The following MICU3 variants were observed in gnomAD, a reference collection of about 807,000 sequenced individuals.
MICU3 encodes calcium uptake protein 3, mitochondrial.
A neutral mutation model predicts 66.5 loss-of-function variants in MICU3; 62 were observed. The observed-to-expected ratio is 0.93, with a 90% CI of 0.76 to 1.15. The LOEUF is 1.15. MICU3 is among the 50% of genes most tolerant of loss of function. The pLI, the probability that MICU3 is intolerant of heterozygous loss-of-function variation, is 0.00. For missense variants in MICU3, 779 were observed against 664.4 expected (o/e 1.17, Z -1.90); for synonymous variants, 308 against 240.7 (o/e 1.28, Z -2.59).
intron 1 of MICU3, among the ~76,000 whole-genome samples, chr8:17,061,789 A>G (rs184618839): frequency 3.3e-5 from 5 of 152,218 alleles, no homozygotes; most frequent in African/African-American, 1.2e-4. Context: ...TGAGATATGT[A>G]TATACAAGGG....
chr8:17,104,663 T>G (rs962924011), intron 10 of MICU3, among the ~76,000 whole-genome samples, 172 bp downstream of exon 10: 1 of 152,020 alleles, frequency 6.6e-6, no homozygotes, highest in Non-Finnish European at 1.5e-5. Context: ...AGTGGTTATA[T>G]TGATAATTAT....
intron 7 of MICU3, among the ~76,000 whole-genome samples, chr8:17,089,877 A>T (rs941363177): frequency 6.6e-6 from 1 of 152,138 alleles, no homozygotes; most frequent in African/African-American, 2.4e-5. Flanking sequence ...GAATCTTAAC[A>T]TACCTAAATA....
intron 3 of MICU3, among the ~76,000 whole-genome samples, chr8:17,070,283 A>G (rs1279921277): frequency 6.6e-6 from 1 of 152,160 alleles, no homozygotes; most frequent in South Asian, 2.1e-4. Context: ...TTCATATAGT[A>G]TACTACACAA....
At chr8:17,119,599 T>G (rs1419489112) in intron 14 of MICU3, among the ~76,000 whole-genome samples, 1 of 149,806 alleles carries the variant, frequency 6.7e-6, no homozygotes, top group Admixed American at 6.6e-5. Context: ...AAGTGGTTCC[T>G]CAGCACATCA....
Position 17,105,523 on chromosome 8 carries a change from C to T in MICU3, c.1196C>T (p.Thr399Ile). Residue 399 changes from threonine (T) to isoleucine (I), a missense_variant, in exon 11 of 15, where the codon ACA (threonine) becomes ATA (isoleucine). Physicochemically the swap from Thr to Ile is moderately conservative, Grantham distance 89 (BLOSUM62 -1). Transcript: ENST00000318063. ...TTTGCTCATATTCTTTTACGATATA[C>T]AAATGTGGAAAATACATCAGTATTT... ...EDFAHILLRY[T>I]NVENTSVFLE... The T allele has an allele frequency of 6.3e-7, 1 of 1,576,294 alleles. No homozygotes were observed. Among genetic ancestry groups the T allele is most frequent in the Admixed American group, 1.9e-5 (1 of 53,942 alleles).
At chr8:17,137,112 C>G in the MICU3 span, among the ~76,000 whole-genome samples, 2 of 152,092 alleles carry the variant, frequency 1.3e-5, no homozygotes, top group African/African-American at 2.4e-5. Flanking sequence ...CGTGAGCCAC[C>G]ACTCCCGTCC....
chr8:17,036,583 G>T (rs776330970), intron 1 of MICU3, among the ~76,000 whole-genome samples: 1 of 152,014 alleles, frequency 6.6e-6, no homozygotes, highest in African/African-American at 2.4e-5. Flanking sequence ...ACAGAGTTTC[G>T]ACACACAGGT....
At chr8:17,041,799 A>G (rs1323056157) in intron 1 of MICU3, among the ~76,000 whole-genome samples, 1 of 152,194 alleles carries the variant, frequency 6.6e-6, no homozygotes. Context: ...GAATGCAAGG[A>G]CACTATATGT....
intron 4 of MICU3, 115 bp downstream of exon 4, chr8:17,077,976 G>A (rs1173003811): frequency 1.9e-6 from 1 of 514,016 alleles, no homozygotes; most frequent in African/African-American, 2.0e-5. Context: ...TGTATGCATA[G>A]AGAAAAAACT....
chr8:17,047,244 C>T lies in MICU3; in HGVS notation c.382-16840C>T, dbSNP rs12542746. Among the ~76,000 whole-genome samples, 3,012 of 152,144 alleles carry T rather than the reference C, an allele frequency of 0.02. 158 individuals carry two copies. In the East Asian group the frequency reaches 0.22, roughly 11 times the overall value. The stretch of plus-strand genomic sequence containing the variant: ...ATATAGCCATTGGAGGCCAGGTTGG[C>T]TAGACAGCATATAAGAACTGTAGCA... On this transcript the variant is annotated intron_variant, in intron 1 of 14. Coordinates refer to ENST00000318063, the MANE Select transcript of MICU3 (RefSeq NM_181723.3).
chr8:17,103,081 C>A (rs1387772039), intron 9 of MICU3, among the ~76,000 whole-genome samples: 1 of 151,884 alleles, frequency 6.6e-6, no homozygotes, highest in Non-Finnish European at 1.5e-5. Flanking sequence ...TAATTAGTCA[C>A]TTTAGAAACA....
chr8:17,133,788 A>G, the MICU3 span, among the ~76,000 whole-genome samples: 1 of 152,182 alleles, frequency 6.6e-6, no homozygotes, highest in African/African-American at 2.4e-5. Context: ...AATGCAAATT[A>G]TATTTTAAAT....
intron 9 of MICU3, among the ~76,000 whole-genome samples, chr8:17,103,032 C>T (rs10503589): frequency 0.2 from 29,709 of 151,754 alleles, 3,076 homozygotes; most frequent in South Asian, 0.3. Flanking sequence ...ATTTAAAGTA[C>T]AGATGACCCT....
intron 1 of MICU3, among the ~76,000 whole-genome samples, chr8:17,057,427 G>C (rs1817116483): frequency 6.6e-6 from 1 of 151,992 alleles, no homozygotes. Context: ...GAACAGGATT[G>C]GTTCCAAAAC....
intron 11 of MICU3, among the ~76,000 whole-genome samples, chr8:17,110,920 T>G (rs111803628): frequency 6.6e-6 from 1 of 152,326 alleles, no homozygotes; most frequent in African/African-American, 2.4e-5. Flanking sequence ...TATGTATCAG[T>G]ATTTCATTCT....
intron 2 of MICU3, among the ~76,000 whole-genome samples, chr8:17,064,724 T>C (rs1818418891): frequency 6.6e-6 from 1 of 152,208 alleles, no homozygotes; most frequent in African/African-American, 2.4e-5. Flanking sequence ...AATATCTAAC[T>C]TAACAGAAGA....
At chr8:17,027,715 G>C in intron 1 of MICU3, 55 bp downstream of exon 1, 1 of 1,263,600 alleles carries the variant, frequency 7.9e-7, no homozygotes, top group African/African-American at 1.5e-5. Context: ...TTCGTGCCGG[G>C]TACGCAGGAC....
chr8:17,098,006 G>A (rs1409888963), intron 8 of MICU3, among the ~76,000 whole-genome samples: 2 of 150,980 alleles, frequency 1.3e-5, no homozygotes, highest in African/African-American at 4.9e-5. Flanking sequence ...GTAAAGTATA[G>A]ATAAAGTTAT....
At chr8:17,061,981 G>A (rs150502041) in intron 1 of MICU3, among the ~76,000 whole-genome samples, 1 of 152,196 alleles carries the variant, frequency 6.6e-6, no homozygotes, top group East Asian at 1.9e-4. Flanking sequence ...TTGGTACCAG[G>A]TTGCTTTATG....
Sources: allele counts gnomAD v4.1 joint callset (sites outside exome capture counted in the v4.1 genomes callset), GRCh38; gene constraint gnomAD v4.1.1; transcripts MANE v1.5; gene names NCBI Gene and HGNC (gene_info 2026-07-23, HGNC 2026-07-21).